The following NSD3 variants were observed in gnomAD, a reference collection of about 807,000 sequenced individuals.
NSD3 encodes the protein histone-lysine N-methyltransferase NSD3.
A neutral mutation model predicts 160.8 loss-of-function variants in NSD3; 24 were observed. The observed-to-expected ratio is 0.15, with a 90% CI of 0.11 to 0.21. NSD3 has a LOEUF of 0.21. Among genes scored for constraint, NSD3 ranks in the 10% least tolerant of loss-of-function variants. NSD3 has a pLI of 1.00. For synonymous variants in NSD3, 520 were observed against 600.0 expected, an observed-to-expected ratio of 0.87 and a Z score of 1.95; for missense variants, 1,157 against 1,735.9, an observed-to-expected ratio of 0.67 and a Z score of 5.93.
chr8:38,368,998 C>T (rs1294869943), intron 1 of NSD3, among the ~76,000 whole-genome samples: 1 of 152,092 alleles, frequency 6.6e-6, no homozygotes, highest in Non-Finnish European at 1.5e-5. Flanking sequence ...TTTCTTTTAG[C>T]TTGTATCCTC....
chr8:38,336,828 A>G (rs1810228914), intron 4 of NSD3, among the ~76,000 whole-genome samples: 1 of 152,204 alleles, frequency 6.6e-6, no homozygotes, highest in African/African-American at 2.4e-5. Context: ...AATGACTATC[A>G]GTATTTCACT....
chr8:38,340,639 A>G (rs1810340349), intron 2 of NSD3, among the ~76,000 whole-genome samples: 3 of 152,300 alleles, frequency 2.0e-5, no homozygotes, highest in Admixed American at 1.3e-4. Flanking sequence ...CACCTGGCCT[A>G]AAAAGATTTT....
intron 1 of NSD3, among the ~76,000 whole-genome samples, chr8:38,350,989 T>A (rs1810681779): frequency 6.6e-6 from 1 of 150,702 alleles, no homozygotes; most frequent in South Asian, 2.1e-4. Flanking sequence ...TTTTTTTTTT[T>A]GAGATGGAGT....
At chr8:38,344,389 G>T (rs552359711) in intron 2 of NSD3, among the ~76,000 whole-genome samples, 13 of 152,056 alleles carry the variant, frequency 8.5e-5, no homozygotes, top group African/African-American at 2.4e-4. Context: ...CCTGTGCCTC[G>T]GCCTCCCGAA....
intron 1 of NSD3, among the ~76,000 whole-genome samples, chr8:38,366,439 T>TA (rs1811109000): frequency 6.7e-6 from 1 of 150,324 alleles, no homozygotes; most frequent in Non-Finnish European, 1.5e-5. Flanking sequence ...TTTTTTGAGA[T>TA]AGAGTCTCTG....
intron 16 of NSD3, among the ~76,000 whole-genome samples, chr8:38,293,061 C>A (rs1809042728): frequency 6.7e-6 from 1 of 149,398 alleles, no homozygotes. Context: ...TCGCTTGAAC[C>A]CAGGAGGCAG....
At chr8:38,378,825 C>CAA (rs201408423) in intron 1 of NSD3, among the ~76,000 whole-genome samples, 8 of 87,348 alleles carry the variant, frequency 9.2e-5, no homozygotes, top group African/African-American at 1.7e-4. Flanking sequence ...CTCCATCTCT[C>CAA]AAAAAAAAAA....
In NSD3 at chr8:38,288,460, C is replaced by T; in HGVS notation, c.3501+27G>A. ...CTGAAAAGCCAGGTTCTGGTCTCTT[C>T]CACCCCCCACCACCATCCCATGCTA... On this transcript the variant is annotated intron_variant, in intron 19 of 23. Coordinates refer to ENST00000317025, the MANE Select transcript of NSD3 (RefSeq NM_023034.2). The surrounding 1 kb of genome is among the most constrained non-coding windows in gnomAD (Gnocchi z 4.5). The T allele has an allele frequency of 1.9e-6, 3 of 1,607,556 alleles. No individual in the cohort carries two copies. Among genetic ancestry groups the T allele is most frequent in the Non-Finnish European group, 2.6e-6 (3 of 1,175,730 alleles).
chr8:38,334,973 A>G (rs930988453), intron 4 of NSD3, among the ~76,000 whole-genome samples: 8 of 150,768 alleles, frequency 5.3e-5, no homozygotes, highest in Non-Finnish European at 1.0e-4. Context: ...TGGGGGTACC[A>G]GGCTAGAATT....
At chr8:38,337,227 C>T (rs1810243735) in intron 4 of NSD3, 78 bp downstream of exon 4, 2 of 1,267,372 alleles carry the variant, frequency 1.6e-6, no homozygotes, top group East Asian at 5.5e-5. Context: ...CGTGTGTATT[C>T]TTATATTCAC....
At chr8:38,312,405 G>A (rs752424492) in intron 12 of NSD3, among the ~76,000 whole-genome samples, 32 of 152,192 alleles carry the variant, frequency 2.1e-4, no homozygotes, top group Non-Finnish European at 3.8e-4. Flanking sequence ...AGAGTTAGGA[G>A]AGAAGCCCTA....
intron 1 of NSD3, among the ~76,000 whole-genome samples, chr8:38,350,172 A>G (rs28634296): frequency 0.22 from 33,546 of 152,132 alleles, 3,956 homozygotes; most frequent in East Asian, 0.31. Context: ...TTATAGCAGC[A>G]TCATTTATAT....
chr8:38,364,791 A>G (rs969625768), intron 1 of NSD3, among the ~76,000 whole-genome samples: 4 of 152,234 alleles, frequency 2.6e-5, no homozygotes, highest in Non-Finnish European at 5.9e-5. Flanking sequence ...ATTTAAACAT[A>G]TAATAGTCAC....
At chr8:38,341,537 CAA>C (rs1311737092) in intron 2 of NSD3, among the ~76,000 whole-genome samples, 15 of 68,830 alleles carry the variant, frequency 2.2e-4, no homozygotes, top group Admixed American at 1.7e-4. Flanking sequence ...GACTCCGTCT[CAA>C]AAAAAAAAAA....
At chr8:38,277,801 A>G (rs1240348740) in intron 22 of NSD3, among the ~76,000 whole-genome samples, 1 of 152,160 alleles carries the variant, frequency 6.6e-6, no homozygotes, top group Non-Finnish European at 1.5e-5. Context: ...TCAGAACCTA[A>G]CAGACCTTAC....
intron 1 of NSD3, among the ~76,000 whole-genome samples, chr8:38,356,059 C>T (rs752820378): frequency 6.6e-6 from 1 of 152,212 alleles, no homozygotes; most frequent in Admixed American, 6.5e-5. Context: ...CACTCCCACT[C>T]CCCAGAGTTA....
intron 1 of NSD3, among the ~76,000 whole-genome samples, chr8:38,357,002 C>A (rs1034127390): frequency 2.0e-5 from 3 of 150,742 alleles, no homozygotes; most frequent in Non-Finnish European, 4.4e-5. Flanking sequence ...GCCGGTAATC[C>A]CAGCTACTTG....
rs1808512923 is a variant in NSD3 at position 38,272,734 on chromosome 8, C to T, written c.*2907G>A. The T allele has an allele frequency of 6.6e-6, 1 of 152,204 alleles. No homozygotes were observed. The highest frequency in any genetic ancestry group is 1.5e-5 in the Non-Finnish European group (1 of 68,042). 9.4% of individuals were successfully genotyped at this position (152,204 alleles called of 1,614,324 possible). A position where few individuals can be genotyped will look rare whatever the true frequency, so the allele number is the denominator to read the frequency against. The stretch of plus-strand genomic sequence containing the variant: ...TTGTTGGACAAGAATAAAAACCAGC[C>T]ACTTACACTCTGACCACATATAGAT... On this transcript the variant is annotated 3_prime_UTR_variant, in exon 24 of 24. Coordinates refer to ENST00000317025, the MANE Select transcript of NSD3 (RefSeq NM_023034.2).
intron 1 of NSD3, among the ~76,000 whole-genome samples, chr8:38,369,114 T>C (rs1811175432): frequency 6.6e-6 from 1 of 152,202 alleles, no homozygotes; most frequent in Non-Finnish European, 1.5e-5. Flanking sequence ...TAAGTTTATC[T>C]TTTCTATAAA....
Sources: gnomAD v4.1 joint callset for allele counts (sites outside exome capture counted in the v4.1 genomes callset) on GRCh38, gnomAD v4.1.1 for gene constraint, Gnocchi (gnomAD v3.1) non-coding constraint, MANE v1.5 for transcripts, NCBI Gene and HGNC (gene_info 2026-07-23, HGNC 2026-07-21) for gene names.